The following VCAN variants were observed in gnomAD, a reference collection of about 807,000 sequenced individuals.
VCAN encodes versican, also known as versican core protein.
A neutral mutation model predicts 245.5 loss-of-function variants in VCAN; 44 were observed. The observed-to-expected ratio is 0.18, with a 90% CI of 0.14 to 0.23. The LOEUF (loss-of-function observed/expected upper bound fraction) is 0.23. Ranked by LOEUF, VCAN falls within the 10% of genes least tolerant of loss-of-function variation. The probability of loss-of-function intolerance (pLI) is 1.00; values close to 1 mark genes in which losing one functional copy is unlikely to be tolerated. For missense variants in VCAN, 3,793 were observed against 4,057.9 expected, an observed-to-expected ratio of 0.93 and a Z score of 1.77; for synonymous variants, 1,413 against 1,437.0, an observed-to-expected ratio of 0.98 and a Z score of 0.38.
intron 2 of VCAN, among the ~76,000 whole-genome samples, chr5:83,488,646 A>G (rs1270336513): frequency 6.6e-6 from 1 of 152,240 alleles, no homozygotes; most frequent in African/African-American, 2.4e-5. Flanking sequence ...CAATATTTCA[A>G]AGGATAATTT....
chr5:83,525,046 G>GTTTTTTTTTTTT (rs34155062), intron 7 of VCAN, among the ~76,000 whole-genome samples: 1 of 132,538 alleles, frequency 7.5e-6, no homozygotes. Flanking sequence ...TATAAATCTT[G>GTTTTTTTTTTTT]TTTTTTTTTT....
intron 1 of VCAN, among the ~76,000 whole-genome samples, chr5:83,478,788 G>A (rs191853791): frequency 1.3e-5 from 2 of 152,316 alleles, no homozygotes; most frequent in Admixed American, 6.5e-5. Flanking sequence ...TCTAGGCATT[G>A]TGGATACAGG....
At chr5:83,556,874 T>C (rs1747688953) in intron 12 of VCAN, among the ~76,000 whole-genome samples, 1 of 152,192 alleles carries the variant, frequency 6.6e-6, no homozygotes, top group Non-Finnish European at 1.5e-5. Flanking sequence ...TTTAATGAGT[T>C]TTCCTTGTTA....
chr5:83,566,996 T>C (rs887072738), intron 12 of VCAN, among the ~76,000 whole-genome samples: 1 of 152,088 alleles, frequency 6.6e-6, no homozygotes, highest in African/African-American at 2.4e-5. Context: ...TTGTCCAGGG[T>C]TTTTTGAATC....
intron 2 of VCAN, among the ~76,000 whole-genome samples, chr5:83,488,658 G>A (rs1189994686): frequency 6.6e-6 from 1 of 152,182 alleles, no homozygotes; most frequent in Non-Finnish European, 1.5e-5. Context: ...GGATAATTTA[G>A]TATAGCTAAT....
intron 12 of VCAN, among the ~76,000 whole-genome samples, chr5:83,560,252 C>A (rs952857571): frequency 2.0e-5 from 3 of 152,036 alleles, no homozygotes; most frequent in Admixed American, 6.6e-5. Context: ...CTTTAAGAAA[C>A]CAACAATTAC....
rs537102772 is a variant in VCAN at position 83,542,281 on chromosome 5, C to T, written c.9265+13C>T. 3.1e-6 allele frequency: 5 copies of T among 1,608,934 alleles called. No homozygotes were observed. Among genetic ancestry groups the T allele is most frequent in the Admixed American group, 3.3e-5 (2 of 59,982 alleles). ...ATCTATTTACCAGGTAAGATCACAA[C>T]ATTGATAAATCTGTTTCCAAACCTG... On this transcript the variant is annotated intron_variant, in intron 8 of 14. Transcript: ENST00000265077.
Position 83,540,242 on chromosome 5 carries a change from A to G in VCAN, c.7239A>G (p.Glu2413=). Residue 2413 remains glutamate, a synonymous_variant, in exon 8 of 15, where the codon GAA becomes GAG. Coordinates refer to ENST00000265077, the MANE Select transcript of VCAN (RefSeq NM_004385.5). The stretch of plus-strand genomic sequence containing the variant: ...CTTATGGTTTTGAAATGGCCAAAGA[A>G]TTTGTTACATCAGCACCAAAACCAT... The part of the protein sequence containing the change: ...ARAYGFEMAK[E]FVTSAPKPSD... The G allele has an allele frequency of 1.2e-6, 2 of 1,614,130 alleles. No individual in the cohort carries two copies. The highest frequency in any genetic ancestry group is 2.2e-5 in the South Asian group (2 of 91,086).
intron 7 of VCAN, 106 bp downstream of exon 7, chr5:83,522,415 T>C: frequency 8.4e-7 from 1 of 1,184,336 alleles, no homozygotes; most frequent in Non-Finnish European, 1.2e-6. Flanking sequence ...TATTAGAAGA[T>C]AACTGGAGTG....
chr5:83,572,367 C>A (rs371754776), intron 12 of VCAN, 49 bp from the exon 13 acceptor site: 3 of 1,608,614 alleles, frequency 1.9e-6, no homozygotes, highest in Non-Finnish European at 2.6e-6. Flanking sequence ...GTTGCTCTTA[C>A]GTTACTTTTT....
At chr5:83,568,844 A>G (rs1052220262) in intron 12 of VCAN, among the ~76,000 whole-genome samples, 14 of 152,150 alleles carry the variant, frequency 9.2e-5, no homozygotes, top group Admixed American at 9.2e-4. Flanking sequence ...ACTCAGACAT[A>G]AACTCTGGAA....
At chr5:83,553,550 A>G (rs771020419) in intron 11 of VCAN, 28 bp downstream of exon 11, 7 of 1,613,736 alleles carry the variant, frequency 4.3e-6, no homozygotes, top group Non-Finnish European at 5.9e-6. Context: ...ACGAGTTTCC[A>G]GGAACTTCAC....
At chr5:83,543,575 G>A (rs1030158560) in intron 8 of VCAN, among the ~76,000 whole-genome samples, 1 of 152,072 alleles carries the variant, frequency 6.6e-6, no homozygotes, top group Non-Finnish European at 1.5e-5. Flanking sequence ...TTGACATTGG[G>A]TTTTTTGTTA....
chr5:83,580,279 C>CT (rs757849902), intron 14 of VCAN, 28 bp from the exon 15 acceptor site: 2 of 1,613,504 alleles, frequency 1.2e-6, no homozygotes, highest in Admixed American at 1.7e-5. Flanking sequence ...TGTGTGTTTT[C>CT]TTTTTTTCTT....
rs1431143819 is a variant in VCAN at position 83,542,124 on chromosome 5, A to G, written c.9121A>G (p.Asn3041Asp). 6.2e-7 allele frequency: 1 copy of G among 1,613,992 alleles called. No individual in the cohort carries two copies. The highest frequency in any genetic ancestry group is 8.5e-7 in the Non-Finnish European group (1 of 1,179,994). ...AGTGGCAGCGAGAATTCTTGATTCC[A>G]ATGATCAGGCAACAGTAAACCCTGT... ...QQVAARILDS[N>D]DQATVNPVEF... The change falls in exon 8 of 15, where the codon AAT (asparagine) becomes GAT (aspartate). Residue 3041 changes from asparagine (N) to aspartate (D), a missense_variant. Coordinates refer to ENST00000265077, the MANE Select transcript of VCAN (RefSeq NM_004385.5).
Position 83,537,865 on chromosome 5 carries a change from A to G in VCAN, c.4862A>G (p.Glu1621Gly). Residue 1621 changes from glutamate (E) to glycine (G), a missense_variant, in exon 8 of 15, where the codon GAA becomes GGA. Physicochemically the swap from Glu to Gly is moderately conservative, Grantham distance 98. Coordinates refer to ENST00000265077, the MANE Select transcript of VCAN (RefSeq NM_004385.5). The stretch of plus-strand genomic sequence containing the variant: ...TTGTCTACCAAAGAAAGCTGGGTAG[A>G]AGCAACTCCTAGACAAGTTGTAGAG... ...DLLSTKESWV[E>G]ATPRQVVELS... 6.2e-7 allele frequency: 1 copy of G among 1,614,012 alleles called. No homozygotes were observed.
chr5:83,524,190 TTA>T (rs1429533273), intron 7 of VCAN, among the ~76,000 whole-genome samples: 1 of 152,062 alleles, frequency 6.6e-6, no homozygotes, highest in Non-Finnish European at 1.5e-5. Context: ...AAGAACTAAG[TTA>T]TAAATGGTTG....
At chr5:83,557,152 A>C (rs1339859080) in intron 12 of VCAN, among the ~76,000 whole-genome samples, 2 of 152,090 alleles carry the variant, frequency 1.3e-5, no homozygotes, top group East Asian at 3.9e-4. Context: ...CTGAGCCTAG[A>C]ATAGCTGCAT....
At chr5:83,518,907 A>C (rs1745963451) in intron 6 of VCAN, among the ~76,000 whole-genome samples, 1 of 152,152 alleles carries the variant, frequency 6.6e-6, no homozygotes, top group Admixed American at 6.5e-5. Flanking sequence ...GCATGTGGAG[A>C]AAGCTGGAGA....
Sources: gnomAD v4.1 joint callset for allele counts (sites outside exome capture counted in the v4.1 genomes callset) on GRCh38, gnomAD v4.1.1 for gene constraint, MANE v1.5 for transcripts, NCBI Gene and HGNC (gene_info 2026-07-23, HGNC 2026-07-21) for gene names.